SENP1: variants seen among roughly 807,000 people sequenced by gnomAD.
SENP1 encodes sentrin-specific protease 1.
Under a neutral mutation model 93.0 loss-of-function variants are expected in SENP1, and 21 were observed. The observed-to-expected ratio is 0.23, with a 90% CI of 0.16 to 0.33. The LOEUF (loss-of-function observed/expected upper bound fraction) is 0.33, where lower values mean the gene tolerates loss of function less well. SENP1 is among the 10% of genes least tolerant of loss of function. The pLI, the probability that SENP1 is intolerant of heterozygous loss-of-function variation, is 1.00. For missense variants in SENP1, 591 were observed against 758.7 expected (o/e 0.78, Z 2.60); for synonymous variants, 256 against 259.6 (o/e 0.99, Z 0.13).
Position 48,043,625 on chromosome 12 carries a change from TAAAG to T in SENP1, c.*1693_*1696del, listed in dbSNP as rs1466231269. 3 of 148,050 alleles carry T rather than the reference TAAAG, an allele frequency of 2.0e-5. No homozygotes were observed. Among genetic ancestry groups the T allele is most frequent in the South Asian group, 2.1e-4 (1 of 4,664 alleles). The allele number at this position is 148,050 out of a possible 1,614,324, so 9.2% of individuals were successfully genotyped here. ...AAAAACAAAGAAAAAGAAAGAAAAA[TAAAG>T]AGAGATAGAAAGAGAAAGGGAAAGA... On this transcript the variant is annotated 3_prime_UTR_variant, in exon 18 of 18. Coordinates refer to ENST00000549518, the MANE Select transcript of SENP1 (RefSeq NM_001267594.2).
intron 1 of SENP1, among the ~76,000 whole-genome samples, chr12:48,102,372 C>CAGTA (rs1292444604): frequency 7.5e-6 from 1 of 132,542 alleles, no homozygotes; most frequent in African/African-American, 2.9e-5. Context: ...GCAGAGGTTG[C>CAGTA]AGTAAGCCGA....
At chr12:48,060,426 A>C (rs1407418407) in intron 13 of SENP1, among the ~76,000 whole-genome samples, 1 of 152,240 alleles carries the variant, frequency 6.6e-6, no homozygotes, top group South Asian at 2.1e-4. Flanking sequence ...CTAGAATCTT[A>C]AAGTTGGAAG....
In SENP1 at chr12:48,088,934, C is replaced by T. The variant is rs1424696665; in HGVS notation, c.247G>A (p.Gly83Ser). 6.3e-7 allele frequency: 1 copy of T among 1,592,390 alleles called. No individual in the cohort carries two copies. The highest frequency in any genetic ancestry group is 8.6e-7 in the Non-Finnish European group (1 of 1,169,512). Residue 83 changes from glycine to serine, a missense_variant, in exon 5 of 18, where the codon GGC (glycine) becomes AGC (serine). By Grantham distance (56) the Gly-to-Ser change is moderately conservative. Coordinates refer to ENST00000549518, the MANE Select transcript of SENP1 (RefSeq NM_001267594.2). ...SDNPSSDSFL[G>S]SGDLRTFGQS... ...CCAAAGGTTCTTAAATCGCCTGAGC[C>T]AAGAAAACTGTCTGAGGAAGGATTA...
In SENP1 at chr12:48,065,255, G is replaced by C. The variant is rs1268919397; in HGVS notation, c.1120-35C>G. On this transcript the variant is annotated intron_variant, in intron 11 of 17. Transcript: ENST00000549518. ...AAAACTTCAGAGTAAGTGGGATAAA[G>C]AAATCTGTGGATGTTCCTTGATTTA... The C allele has an allele frequency of 2.7e-6, 4 of 1,480,054 alleles. No homozygotes were observed. In the South Asian group the frequency reaches 4.9e-5, roughly 18 times the overall value. The allele number at this position is 1,480,054 out of a possible 1,614,324, so 91.7% of individuals were successfully genotyped here. A position where few individuals can be genotyped will look rare whatever the true frequency, so the allele number is the denominator to read the frequency against.
chr12:48,072,112 T>C (rs1943745947), intron 8 of SENP1, among the ~76,000 whole-genome samples: 2 of 152,246 alleles, frequency 1.3e-5, no homozygotes, highest in Admixed American at 1.3e-4. Context: ...CATAGTTAAC[T>C]GCGGTCCAAA....
At chr12:48,093,682 G>A (rs1408332649) in intron 4 of SENP1, among the ~76,000 whole-genome samples, 5 of 148,536 alleles carry the variant, frequency 3.4e-5, no homozygotes, top group East Asian at 2.0e-4. Flanking sequence ...GTGGATGTGC[G>A]TATCAATTCC....
rs1280203973 is a variant in SENP1, at chr12:48,098,144, T to C, written c.5-20A>G. On this transcript the variant is annotated intron_variant, in intron 2 of 17. Coordinates refer to ENST00000549518, the MANE Select transcript of SENP1 (RefSeq NM_001267594.2). ...TATCATCTGGGGAGACAGTCTGGAT[T>C]AGTTCAAGTCACATAATTCTTCAAT... The C allele has an allele frequency of 3.7e-6, 6 of 1,606,300 alleles. No homozygotes were observed. The highest frequency in any genetic ancestry group is 4.3e-6 in the Non-Finnish European group (5 of 1,175,446).
At chr12:48,055,982 C>G (rs1942241511) in intron 13 of SENP1, among the ~76,000 whole-genome samples, 1 of 130,544 alleles carries the variant, frequency 7.7e-6, no homozygotes, top group African/African-American at 3.0e-5. Context: ...TAATTTAATA[C>G]ATGATATATA....
At chr12:48,102,302 C>T (rs917396442) in intron 1 of SENP1, among the ~76,000 whole-genome samples, 4 of 151,834 alleles carry the variant, frequency 2.6e-5, no homozygotes, top group Admixed American at 6.6e-5. Context: ...TGTGGTGATA[C>T]GTGCCTGTAA....
intron 3 of SENP1, 137 bp downstream of exon 3, chr12:48,097,857 C>T (rs748977479): frequency 2.5e-6 from 2 of 787,552 alleles, no homozygotes; most frequent in Non-Finnish European, 3.9e-6. Flanking sequence ...AGCAGAATTC[C>T]AAACACTAAA....
intron 1 of SENP1, among the ~76,000 whole-genome samples, chr12:48,104,575 G>A (rs563225742): frequency 2.1e-4 from 32 of 152,222 alleles, no homozygotes; most frequent in Middle Eastern, 3.4e-3. Context: ...TTCATTTACT[G>A]TGCACCGACT....
At chr12:48,089,331 G>C (rs781008101) in intron 4 of SENP1, 1 of 1,341,380 alleles carries the variant, frequency 7.5e-7, no homozygotes, top group South Asian at 1.2e-5. Context: ...GAAAGCAGGT[G>C]GGGGGCCAGT....
intron 13 of SENP1, among the ~76,000 whole-genome samples, chr12:48,054,082 G>A (rs1367930203): frequency 6.6e-6 from 1 of 152,212 alleles, no homozygotes; most frequent in Non-Finnish European, 1.5e-5. Flanking sequence ...ACGTAGGATA[G>A]GGCATAGAGG....
At chr12:48,085,191 A>C (rs1397685680) in intron 5 of SENP1, 1 of 1,475,770 alleles carries the variant, frequency 6.8e-7, no homozygotes, top group Non-Finnish European at 9.5e-7. Flanking sequence ...GAAGGATACG[A>C]CCATCAATGA....
At chr12:48,046,846 C>G (rs558373467) in intron 16 of SENP1, 132 bp downstream of exon 16, 2 of 628,308 alleles carry the variant, frequency 3.2e-6, no homozygotes, top group African/African-American at 1.8e-5. Flanking sequence ...TATCCTCCCC[C>G]AGAAACCAAC....
intron 5 of SENP1, among the ~76,000 whole-genome samples, chr12:48,088,181 T>C (rs915385920): frequency 6.6e-6 from 1 of 152,080 alleles, no homozygotes; most frequent in Non-Finnish European, 1.5e-5. Context: ...GCCTCTCAAG[T>C]AGCTGGGACT....
rs754031932 is a variant in SENP1, at chr12:48,065,111, C to A, written c.1229G>T (p.Gly410Val). The stretch of plus-strand genomic sequence containing the variant: ...ATCTTCACTATCAGTTAATTTATGA[C>A]CTTTTTTTTGTGTTTCTTGGACAAC... Reference protein sequence around the residue: ...VTVVQETQKKGHKLTDSEDEF... With the variant: ...VTVVQETQKKVHKLTDSEDEF... The change falls in exon 12 of 18, where the codon GGT (glycine) becomes GTT (valine). Residue 410 changes from glycine to valine, a missense_variant. This residue lies in a region of SENP1 where 238 missense variants were observed against 259.1 expected (regional missense o/e 0.92). Transcript: ENST00000549518. The A allele has an allele frequency of 3.1e-6, 5 of 1,608,770 alleles. No individual in the cohort carries two copies. The highest frequency in any genetic ancestry group is 4.3e-6 in the Non-Finnish European group (5 of 1,175,434).
rs982762803 is a variant in SENP1, at chr12:48,043,131, T to A, written c.*2191A>T. On this transcript the variant is annotated 3_prime_UTR_variant, in exon 18 of 18. Coordinates refer to ENST00000549518, the MANE Select transcript of SENP1 (RefSeq NM_001267594.2). ...GACCAGGTCCAGGGTGGTAAGATGG[T>A]CTCAGGGTCACTAACTTCTACCTTG... 1.3e-5 allele frequency: 2 copies of A among 152,582 alleles called. No homozygotes were observed. The highest frequency in any genetic ancestry group is 4.8e-5 in the African/African-American group (2 of 41,426). The allele number at this position is 152,582 out of a possible 1,614,324, so 9.5% of individuals were successfully genotyped here.
At chr12:48,077,281 A>G (rs1022863526) in intron 6 of SENP1, among the ~76,000 whole-genome samples, 4 of 152,170 alleles carry the variant, frequency 2.6e-5, no homozygotes, top group African/African-American at 9.7e-5. Flanking sequence ...ATGTACTCCC[A>G]TGTGCCTACT....
Sources: allele counts gnomAD v4.1 joint callset (sites outside exome capture counted in the v4.1 genomes callset), GRCh38; gene constraint gnomAD v4.1.1; regional missense constraint gnomAD v4.1.1; transcripts MANE v1.5; gene names NCBI Gene and HGNC (gene_info 2026-07-23, HGNC 2026-07-21).